The following SLA2 variants were observed in gnomAD, a reference collection of about 807,000 sequenced individuals.
SLA2 encodes the protein src-like-adapter 2.
Under a neutral mutation model 27.3 loss-of-function variants are expected in SLA2, and 22 were observed. That is an observed-to-expected ratio of 0.81 (90% CI 0.58 to 1.15). The LOEUF (loss-of-function observed/expected upper bound fraction) is 1.15. SLA2 is among the 50% of genes most tolerant of loss of function. The pLI is 0.00. For missense variants in SLA2, 304 were observed against 322.2 expected, an observed-to-expected ratio of 0.94 and a Z score of 0.43; for synonymous variants, 131 against 137.8, an observed-to-expected ratio of 0.95 and a Z score of 0.34.
chr20:36,625,994 G>GAAAATTACC (rs1172817558), intron 5 of SLA2, among the ~76,000 whole-genome samples: 15 of 152,024 alleles, frequency 9.9e-5, no homozygotes, highest in African/African-American at 3.6e-4. Flanking sequence ...GCCAGACATG[G>GAAAATTACC]TGGGTCACGC....
At position 36,620,117 on chromosome 20, in the gene SLA2, G is replaced by A. The variant is rs537926786; in HGVS notation, c.383-4743C>T. 2.4e-3 allele frequency among the ~76,000 whole-genome samples: 358 copies of A among 146,388 alleles called. 4 individuals carry two copies. Among genetic ancestry groups the A allele is most frequent in the African/African-American group, 8.7e-3 (344 of 39,588 alleles). On this transcript the variant is annotated intron_variant, in intron 5 of 7. Coordinates refer to ENST00000262866, the MANE Select transcript of SLA2 (RefSeq NM_032214.4). The stretch of plus-strand genomic sequence containing the variant: ...AGAAAAAATAAAAACAATGCTGGGC[G>A]CGATGGCTCACACCTGTAATCCCAG...
intron 5 of SLA2, among the ~76,000 whole-genome samples, chr20:36,630,788 A>T (rs2039386222): frequency 6.6e-6 from 1 of 152,190 alleles, no homozygotes; most frequent in South Asian, 2.1e-4. Context: ...AGGCAGGGTC[A>T]TCAAAGAGAC....
chr20:36,620,153 G>A (rs1252221258), intron 5 of SLA2, among the ~76,000 whole-genome samples: 1 of 150,398 alleles, frequency 6.6e-6, no homozygotes, highest in African/African-American at 2.4e-5. Flanking sequence ...CACTTTGGGA[G>A]GCCGAGGCGG....
At chr20:36,615,913 T>G (rs1487727071) in intron 5 of SLA2, among the ~76,000 whole-genome samples, 1 of 152,142 alleles carries the variant, frequency 6.6e-6, no homozygotes, top group Non-Finnish European at 1.5e-5. Flanking sequence ...AAACAGCCCG[T>G]TTGTGCTCAA....
At chr20:36,631,761 C>A (rs1319356415) in intron 5 of SLA2, among the ~76,000 whole-genome samples, 1 of 152,202 alleles carries the variant, frequency 6.6e-6, no homozygotes, top group African/African-American at 2.4e-5. Flanking sequence ...AGCAGAGATG[C>A]CTAAGGCCTG....
intron 5 of SLA2, among the ~76,000 whole-genome samples, chr20:36,621,958 G>A (rs534674661): frequency 6.6e-6 from 1 of 152,124 alleles, no homozygotes; most frequent in East Asian, 1.9e-4. Flanking sequence ...TGAGGCTGCA[G>A]TGAGCCATGA....
rs1228893844 is a variant in SLA2 at position 36,615,281 on chromosome 20, T to C, written c.476A>G (p.Tyr159Cys). The C allele has an allele frequency of 3.7e-6, 6 of 1,614,132 alleles. No homozygotes were observed. The highest frequency in any genetic ancestry group is 5.1e-6 in the Non-Finnish European group (6 of 1,180,022). The change falls in exon 6 of 8, where the codon TAC (tyrosine) becomes TGC (cysteine). Residue 159 changes from tyrosine (Y) to cysteine (C), a missense_variant. Transcript: ENST00000262866. ...RIHCLDNGWL[Y>C]ISPRLTFPSL... ...GGGGAAGGTGAGGCGCGGTGAGATG[T>C]ACAGCCAGCCATTGTCAAGGCAGTG...
chr20:36,617,217 A>G, intron 5 of SLA2, among the ~76,000 whole-genome samples: 1 of 151,026 alleles, frequency 6.6e-6, no homozygotes, highest in Non-Finnish European at 1.5e-5. Flanking sequence ...AAAAAAAAAA[A>G]TTAGCCAGGT....
intron 5 of SLA2, chr20:36,620,634 A>G (rs1315327997): frequency 6.6e-6 from 1 of 150,696 alleles, no homozygotes. Flanking sequence ...CAGTGGTGAA[A>G]TCTAGGTTTA....
At chr20:36,619,656 A>G (rs1424949105) in intron 5 of SLA2, among the ~76,000 whole-genome samples, 2 of 146,060 alleles carry the variant, frequency 1.4e-5, no homozygotes, top group African/African-American at 5.1e-5. Context: ...TTTGAGACAG[A>G]GTCTCGCTCT....
chr20:36,634,435 C>A, intron 3 of SLA2, 55 bp downstream of exon 3: 4 of 1,327,046 alleles, frequency 3.0e-6, no homozygotes, highest in Admixed American at 3.9e-5. Context: ...AGGCACACAC[C>A]ACCATGCCTG....
At chr20:36,615,922 A>C (rs2039204658) in intron 5 of SLA2, among the ~76,000 whole-genome samples, 1 of 152,230 alleles carries the variant, frequency 6.6e-6, no homozygotes, top group South Asian at 2.1e-4. Context: ...GTTTGTGCTC[A>C]AGAGTAGAAT....
chr20:36,636,415 A>G (rs1241682448), intron 2 of SLA2, among the ~76,000 whole-genome samples: 2 of 135,764 alleles, frequency 1.5e-5, no homozygotes, highest in Admixed American at 7.1e-5. Context: ...GCGACAGAGC[A>G]AGACTCCGTC....
At position 36,634,603 on chromosome 20, in the gene SLA2, C is replaced by T; in HGVS notation, c.92-14G>A. ...CCTTGCTTCTCTCTAGATGGAGGGA[C>T]AGAAATAGTCACCTACTTAGCTAGC... On this transcript the variant is annotated splice_polypyrimidine_tract_variant and intron_variant, in intron 2 of 7. Transcript: ENST00000262866. 1 of 1,546,626 alleles carries T rather than the reference C, an allele frequency of 6.5e-7. No homozygotes were observed. The highest frequency in any genetic ancestry group is 8.9e-7 in the Non-Finnish European group (1 of 1,125,868).
chr20:36,634,590 C>G lies in SLA2; in HGVS notation c.92-1G>C, dbSNP rs1180714527. On this transcript the variant is annotated splice_acceptor_variant, in intron 2 of 7. Coordinates refer to ENST00000262866, the MANE Select transcript of SLA2 (RefSeq NM_032214.4). LOFTEE classifies it high-confidence loss of function. ...GCCACGGCTGTGGCCTTGCTTCTCT[C>G]TAGATGGAGGGACAGAAATAGTCAC... 1.3e-6 allele frequency: 2 copies of G among 1,594,034 alleles called. No homozygotes were observed. Among genetic ancestry groups the G allele is most frequent in the Non-Finnish European group, 8.6e-7 (1 of 1,165,670 alleles).
chr20:36,621,930 C>T (rs1032117163), intron 5 of SLA2, among the ~76,000 whole-genome samples: 2 of 151,800 alleles, frequency 1.3e-5, no homozygotes, highest in African/African-American at 2.4e-5. Context: ...GCAGGAGAAT[C>T]GTTTGAGCCT....
chr20:36,613,785 CTTGCCTCTGGGGTG>C lies in SLA2; in HGVS notation c.*67_*80del. 7.4e-7 allele frequency: 1 copy of C among 1,342,756 alleles called. No homozygotes were observed. The highest frequency in any genetic ancestry group is 1.0e-6 in the Non-Finnish European group (1 of 990,628). 83.2% of individuals were successfully genotyped at this position (1,342,756 alleles called of 1,614,324 possible). On this transcript the variant is annotated 3_prime_UTR_variant, in exon 8 of 8. Coordinates refer to ENST00000262866, the MANE Select transcript of SLA2 (RefSeq NM_032214.4). ...CACCCTCCCTCCCTGAGTGCACAGC[CTTGCCTCTGGGGTG>C]CCCAGGAGGCTGAATTGGGGTTCTA...
intron 1 of SLA2, among the ~76,000 whole-genome samples, chr20:36,643,033 A>T (rs890488232): frequency 4.6e-5 from 7 of 152,140 alleles, no homozygotes; most frequent in Non-Finnish European, 1.0e-4. Context: ...AGTTTTCATC[A>T]TTCATTTGAG....
At chr20:36,641,809 T>G (rs2039509370) in intron 1 of SLA2, among the ~76,000 whole-genome samples, 1 of 151,846 alleles carries the variant, frequency 6.6e-6, no homozygotes. Flanking sequence ...CAGGGGACAA[T>G]GACAGGACAG....
Sources: allele counts gnomAD v4.1 joint callset (sites outside exome capture counted in the v4.1 genomes callset), GRCh38; gene constraint gnomAD v4.1.1; transcripts MANE v1.5; gene names NCBI Gene and HGNC (gene_info 2026-07-23, HGNC 2026-07-21).